The following UNC5A variants were observed in gnomAD, a reference collection of about 807,000 sequenced individuals.
UNC5A encodes the protein unc-5 netrin receptor A, also known as netrin receptor UNC5A.
A neutral mutation model predicts 87.4 loss-of-function variants in UNC5A; 20 were observed. The ratio of observed to expected loss-of-function variants is 0.23; its 90% CI spans 0.16 to 0.33. The LOEUF is 0.33. UNC5A is among the 10% of genes least tolerant of loss of function. The pLI is 1.00. For missense variants in UNC5A, 844 were observed against 1,133.4 expected, an observed-to-expected ratio of 0.74 and a Z score of 3.67; for synonymous variants, 438 against 482.3, an observed-to-expected ratio of 0.91 and a Z score of 1.20.
chr5:176,833,644 G>A (rs1000448732), intron 1 of UNC5A, among the ~76,000 whole-genome samples: 2 of 152,092 alleles, frequency 1.3e-5, no homozygotes, highest in African/African-American at 4.8e-5. Context: ...CATAGCCCAT[G>A]AGTCTCTGCC....
chr5:176,868,444 G>A, intron 3 of UNC5A, 117 bp from the exon 4 acceptor site: 1 of 1,434,896 alleles, frequency 7.0e-7, no homozygotes, highest in South Asian at 1.2e-5. Flanking sequence ...TGGCCCCCTG[G>A]CCACCTGGCA....
chr5:176,877,934 A>G lies in UNC5A; in HGVS notation c.1676A>G (p.Tyr559Cys). 6.2e-7 allele frequency: 1 copy of G among 1,603,408 alleles called. No individual in the cohort carries two copies. Among genetic ancestry groups the G allele is most frequent in the South Asian group, 1.1e-5 (1 of 91,036 alleles). Residue 559 changes from tyrosine to cysteine, a missense_variant, in exon 11 of 15, where the codon TAC becomes TGC. Transcript: ENST00000329542. ...HLGEEAPSHL[Y>C]YCQLEASACY... ...GGCGAGGAGGCGCCCTCCCACCTCT[A>G]CTACTGCCAGCTGGAGGCCAGTGCC...
intron 9 of UNC5A, 105 bp from the exon 10 acceptor site, chr5:176,877,430 G>A: frequency 1.1e-5 from 16 of 1,402,958 alleles, no homozygotes; most frequent in Non-Finnish European, 1.6e-5. Flanking sequence ...TGCAGCCCAA[G>A]CCCCTGGCCC....
In UNC5A at chr5:176,862,824, C is replaced by A; in HGVS notation, c.271C>A (p.Arg91Ser). Reference sequence around the variant, plus strand: ...GCGCCAGGTGGACCACGTGATCGAGCGCAGCACAGACGGGAGCAGTGGTGA... The same window carrying A: ...GCGCCAGGTGGACCACGTGATCGAGAGCAGCACAGACGGGAGCAGTGGTGA... ...WVRQVDHVIE[R>S]STDGSSGLPT... Residue 91 changes from arginine to serine, a missense_variant, in exon 2 of 15, where the codon CGC becomes AGC. By Grantham distance (110) the Arg-to-Ser change is moderately radical. Around this residue, in one of 3 missense-constraint regions of UNC5A, gnomAD observed 314 missense variants for 466.5 expected, o/e 0.67. Coordinates refer to ENST00000329542, the MANE Select transcript of UNC5A (RefSeq NM_133369.3). 1 of 1,613,136 alleles carries A rather than the reference C, an allele frequency of 6.2e-7. No individual in the cohort carries two copies. Among genetic ancestry groups the A allele is most frequent in the Non-Finnish European group, 8.5e-7 (1 of 1,179,858 alleles).
chr5:176,870,341 C>A (rs1473296142), intron 5 of UNC5A, 29 bp from the exon 6 acceptor site: 1 of 1,606,964 alleles, frequency 6.2e-7, no homozygotes, highest in South Asian at 1.1e-5. Context: ...CTGACCGCAC[C>A]GTCTCCTCTC....
chr5:176,880,156 C>CTG lies in UNC5A; in HGVS notation c.*280_*281dup. On this transcript the variant is annotated 3_prime_UTR_variant, in exon 15 of 15. Transcript: ENST00000329542. ...GGAGCCTGGGCCAGGCCCAGCCCAT[C>CTG]TGTGTGTGTGTATGTGCGTGTGATG... 1.2e-5 allele frequency: 6 copies of CTG among 480,642 alleles called. No individual in the cohort carries two copies. The highest frequency in any genetic ancestry group is 2.4e-5 in the South Asian group (1 of 42,398). 29.8% of individuals were successfully genotyped at this position (480,642 alleles called of 1,614,324 possible).
chr5:176,829,329 A>G, intron 1 of UNC5A, among the ~76,000 whole-genome samples: 1 of 82,114 alleles, frequency 1.2e-5, no homozygotes, highest in Non-Finnish European at 2.1e-5. Flanking sequence ...TGTATGAAAT[A>G]TGGATGGATG....
At chr5:176,820,656 G>A (rs1475715570) in intron 1 of UNC5A, among the ~76,000 whole-genome samples, 1 of 152,136 alleles carries the variant, frequency 6.6e-6, no homozygotes, top group Non-Finnish European at 1.5e-5. Context: ...GCCTCTCACG[G>A]TCCCTCCTTC....
At position 176,874,582 on chromosome 5, in the gene UNC5A, G is replaced by A. The variant is rs774255192; in HGVS notation, c.1378+16G>A. ...CCTAATACAGGTAGGAAGGACCCCA[G>A]GGGGCTCTGAGAGCTCCACTTCCCT... On this transcript the variant is annotated intron_variant, in intron 8 of 14. Coordinates refer to ENST00000329542, the MANE Select transcript of UNC5A (RefSeq NM_133369.3). The surrounding 1 kb of genome is among the most constrained non-coding windows in gnomAD (Gnocchi z 7.6). 5.3e-6 allele frequency: 8 copies of A among 1,512,132 alleles called. No homozygotes were observed. In the East Asian group the frequency reaches 1.6e-4, roughly 31 times the overall value. The allele number at this position is 1,512,132 out of a possible 1,614,324, so 93.7% of individuals were successfully genotyped here. A position where few individuals can be genotyped will look rare whatever the true frequency, so the allele number is the denominator to read the frequency against.
At chr5:176,858,074 C>T (rs1301565726) in intron 1 of UNC5A, among the ~76,000 whole-genome samples, 2 of 152,230 alleles carry the variant, frequency 1.3e-5, no homozygotes, top group African/African-American at 2.4e-5. Flanking sequence ...CCAGAGGCAG[C>T]AGCGGTAGGC....
intron 1 of UNC5A, among the ~76,000 whole-genome samples, chr5:176,858,195 T>C (rs1757713455): frequency 6.6e-6 from 1 of 152,100 alleles, no homozygotes; most frequent in Non-Finnish European, 1.5e-5. Context: ...CCTGCCTGCT[T>C]CTCCTGTGAC....
intron 3 of UNC5A, 56 bp from the exon 4 acceptor site, chr5:176,868,505 C>G (rs2149366504): frequency 6.5e-7 from 1 of 1,535,614 alleles, no homozygotes; most frequent in African/African-American, 1.4e-5. Context: ...CACAGCCAGC[C>G]AGGCTGAGCC....
intron 6 of UNC5A, among the ~76,000 whole-genome samples, chr5:176,873,714 A>G (rs766267494): frequency 5.3e-4 from 80 of 152,308 alleles, no homozygotes; most frequent in Admixed American, 1.6e-3. Context: ...TGCATCCTCC[A>G]GGCAGCAGAC....
chr5:176,854,243 T>A (rs372369485), intron 1 of UNC5A, among the ~76,000 whole-genome samples: 17 of 152,178 alleles, frequency 1.1e-4, no homozygotes, highest in African/African-American at 4.1e-4. Flanking sequence ...AACCTGCCAC[T>A]CCCCACCTTG....
rs752679979 is a variant in UNC5A at position 176,877,296 on chromosome 5, T to C, written c.1466+17T>C. 2.5e-6 allele frequency: 4 copies of C among 1,605,400 alleles called. No homozygotes were observed. The highest frequency in any genetic ancestry group is 1.1e-5 in the South Asian group (1 of 90,764). ...AGACGTGAGGTGTGGCCGCGGGCCC[T>C]GTTGCCGGGGGTGGGAGGGACCTGC... is the stretch of plus-strand genomic sequence containing the variant. On this transcript the variant is annotated intron_variant, in intron 9 of 14. Transcript: ENST00000329542.
chr5:176,879,168 A>G, intron 13 of UNC5A, 142 bp from the exon 14 acceptor site: 1 of 1,035,232 alleles, frequency 9.7e-7, no homozygotes, highest in Non-Finnish European at 1.4e-6. Context: ...GGGCCTTGGC[A>G]CATGGGAGGT....
At chr5:176,855,826 G>A (rs1000931419) in intron 1 of UNC5A, among the ~76,000 whole-genome samples, 1 of 152,222 alleles carries the variant, frequency 6.6e-6, no homozygotes, top group Non-Finnish European at 1.5e-5. Flanking sequence ...CAGCATCCAG[G>A]GCTCAGGGGT....
rs573300984 is a variant in UNC5A, at chr5:176,844,664, A to G, written c.71-17960A>G. ...AACCATTGTTTCTGTGCAACTTCCT[A>G]GTCTTTAAATGCTGCCTTAAACCTC... On this transcript the variant is annotated intron_variant, in intron 1 of 14. Transcript: ENST00000329542. The surrounding 1 kb of genome is among the most constrained non-coding windows in gnomAD (Gnocchi z 4.2). Among the ~76,000 whole-genome samples the G allele has an allele frequency of 2.0e-5, 3 of 152,268 alleles. No homozygotes were observed. The highest frequency in any genetic ancestry group is 2.9e-5 in the Non-Finnish European group (2 of 68,012).
At position 176,822,258 on chromosome 5, in the gene UNC5A, T is replaced by C. The variant is rs1051180641; in HGVS notation, c.70+11438T>C. Among the ~76,000 whole-genome samples the C allele has an allele frequency of 1.4e-4, 21 of 152,370 alleles. 1 individual carries two copies. The highest frequency in any genetic ancestry group is 5.0e-4 in the African/African-American group (21 of 41,592). On this transcript the variant is annotated intron_variant, in intron 1 of 14. Transcript: ENST00000329542. The stretch of plus-strand genomic sequence containing the variant: ...GGGATGCTCACTTTTGGCCCCCCTC[T>C]GTGACACGCCCTGGAAGTATTTGTG...
Sources: gnomAD v4.1 joint callset for allele counts (sites outside exome capture counted in the v4.1 genomes callset) on GRCh38, gnomAD v4.1.1 for gene constraint, gnomAD v4.1.1 regional missense constraint, Gnocchi (gnomAD v3.1) non-coding constraint, MANE v1.5 for transcripts, NCBI Gene and HGNC (gene_info 2026-07-23, HGNC 2026-07-21) for gene names.